Variants in DENND1A observed in about 807,000 individuals in gnomAD.
The protein encoded by DENND1A is DENN domain-containing protein 1A.
A neutral mutation model predicts 113.7 loss-of-function variants in DENND1A; 51 were observed. The observed-to-expected ratio is 0.45, with a 90% CI of 0.36 to 0.57. DENND1A has a LOEUF of 0.57. Among genes scored for constraint, DENND1A ranks in the 20% least tolerant of loss-of-function variants. The probability of loss-of-function intolerance (pLI) is 0.00; values close to 1 mark genes in which losing one functional copy is unlikely to be tolerated. For missense variants in DENND1A, 1,258 were observed against 1,395.9 expected (o/e 0.90, Z 1.57); for synonymous variants, 565 against 570.8 (o/e 0.99, Z 0.14).
chr9:123,553,966 C>A (rs1339848982), intron 13 of DENND1A, among the ~76,000 whole-genome samples: 3 of 152,210 alleles, frequency 2.0e-5, no homozygotes, highest in Non-Finnish European at 4.4e-5. Flanking sequence ...CCACGTTGGC[C>A]AGGATGGTCT....
At chr9:123,748,734 T>A (rs189085805) in intron 5 of DENND1A, among the ~76,000 whole-genome samples, 12 of 152,300 alleles carry the variant, frequency 7.9e-5, no homozygotes, top group Admixed American at 7.8e-4. Flanking sequence ...TTATTGCTGT[T>A]GAAGGAAAGT....
intron 1 of DENND1A, among the ~76,000 whole-genome samples, chr9:123,885,043 TCA>T (rs142957264): frequency 4.7e-5 from 7 of 148,402 alleles, no homozygotes; most frequent in Admixed American, 1.3e-4. Context: ...ACTCTCTCTC[TCA>T]CACACACACA....
At chr9:123,800,121 C>T (rs1046383897) in intron 2 of DENND1A, among the ~76,000 whole-genome samples, 5 of 152,192 alleles carry the variant, frequency 3.3e-5, no homozygotes, top group African/African-American at 1.2e-4. Context: ...GTTCCAAAAT[C>T]TTTAAGCTAC....
chr9:123,733,634 A>G (rs2068344585), intron 5 of DENND1A, among the ~76,000 whole-genome samples: 1 of 150,316 alleles, frequency 6.7e-6, no homozygotes, highest in South Asian at 2.1e-4. Flanking sequence ...TTTATTCCTG[A>G]ATGTTACTTT....
intron 4 of DENND1A, among the ~76,000 whole-genome samples, chr9:123,762,584 A>G (rs1030784397): frequency 6.6e-6 from 1 of 152,256 alleles, no homozygotes; most frequent in Non-Finnish European, 1.5e-5. Flanking sequence ...AAATTGAGCT[A>G]CAACTACACT....
At chr9:123,879,961 TTTTA>T (rs1588059384) in intron 1 of DENND1A, among the ~76,000 whole-genome samples, 2 of 152,326 alleles carry the variant, frequency 1.3e-5, no homozygotes, top group East Asian at 3.9e-4. Context: ...CTGTATGAAT[TTTTA>T]TTATTATACT....
chr9:123,513,548 G>A (rs1001093348), intron 13 of DENND1A, among the ~76,000 whole-genome samples: 3 of 152,192 alleles, frequency 2.0e-5, no homozygotes, highest in Non-Finnish European at 1.5e-5. Context: ...AGGGTCTGAG[G>A]ACGCCAGAGC....
intron 5 of DENND1A, among the ~76,000 whole-genome samples, chr9:123,738,025 G>A (rs2068700096): frequency 6.6e-6 from 1 of 152,142 alleles, no homozygotes; most frequent in South Asian, 2.1e-4. Context: ...TCCTAGAAGA[G>A]TAAGAAATTG....
intron 2 of DENND1A, among the ~76,000 whole-genome samples, chr9:123,834,490 A>G (rs1840755547): frequency 6.6e-6 from 1 of 152,228 alleles, no homozygotes; most frequent in Non-Finnish European, 1.5e-5. Context: ...TTGGTGTGAA[A>G]TACCTGATTT....
intron 12 of DENND1A, among the ~76,000 whole-genome samples, chr9:123,572,012 T>TGATTTACATACCTTAA (rs2058381287): frequency 1.3e-5 from 2 of 152,226 alleles, no homozygotes; most frequent in African/African-American, 4.8e-5. Context: ...TATTGAGGTA[T>TGATTTACATACCTTAA]GATTTACATA....
chr9:123,601,739 A>AT (rs1301009788), intron 11 of DENND1A, among the ~76,000 whole-genome samples: 12 of 152,246 alleles, frequency 7.9e-5, no homozygotes, highest in Non-Finnish European at 1.8e-4. Context: ...TGAATAAACT[A>AT]TATCAGTTAA....
At chr9:123,838,338 A>G (rs1183727645) in intron 2 of DENND1A, among the ~76,000 whole-genome samples, 1 of 152,202 alleles carries the variant, frequency 6.6e-6, no homozygotes, top group Non-Finnish European at 1.5e-5. Context: ...GTATATATGT[A>G]TATGTCTGTG....
At chr9:123,531,596 C>T (rs1003203823) in intron 13 of DENND1A, among the ~76,000 whole-genome samples, 11 of 147,386 alleles carry the variant, frequency 7.5e-5, no homozygotes, top group Middle Eastern at 3.4e-3. Flanking sequence ...CACACACACA[C>T]ACACACAGAA....
chr9:123,718,052 T>C lies in DENND1A; in HGVS notation c.302+39651A>G, dbSNP rs141617317. 3.6e-3 allele frequency among the ~76,000 whole-genome samples: 555 copies of C among 152,354 alleles called. 1 individual carries two copies. The Middle Eastern group carries it at 0.054, about 15-fold the overall frequency. On this transcript the variant is annotated intron_variant, in intron 5 of 23. Transcript: ENST00000394215. ...TTTTCATCTTGCTGGGTGTATGTTA[T>C]GTCTGTCTGTCAGCAAATTGGGAAA... is the stretch of plus-strand genomic sequence containing the variant.
chr9:123,399,088 G>A (rs1243751051), intron 21 of DENND1A, among the ~76,000 whole-genome samples: 3 of 152,128 alleles, frequency 2.0e-5, no homozygotes, highest in Admixed American at 2.0e-4. Context: ...GAGCCACCGC[G>A]CCCGGCCGTG....
intron 2 of DENND1A, among the ~76,000 whole-genome samples, chr9:123,799,550 A>G (rs1415264097): frequency 4.6e-5 from 7 of 152,188 alleles, no homozygotes; most frequent in Non-Finnish European, 1.5e-5. Flanking sequence ...AAAAGGTTCC[A>G]CGAAGAAGTA....
chr9:123,878,560 T>C (rs895373298), intron 2 of DENND1A, among the ~76,000 whole-genome samples: 1 of 152,230 alleles, frequency 6.6e-6, no homozygotes, highest in Non-Finnish European at 1.5e-5. Flanking sequence ...TGGCAGAGAA[T>C]TTCCTTTATA....
At chr9:123,905,993 T>C (rs1449490790) in intron 1 of DENND1A, among the ~76,000 whole-genome samples, 2 of 151,458 alleles carry the variant, frequency 1.3e-5, no homozygotes, top group African/African-American at 2.4e-5. Flanking sequence ...AGAACAGAGA[T>C]TATAACAAAC....
At chr9:123,474,225 C>CA (rs987616895) in intron 13 of DENND1A, among the ~76,000 whole-genome samples, 1 of 152,054 alleles carries the variant, frequency 6.6e-6, no homozygotes, top group Non-Finnish European at 1.5e-5. Context: ...GAATTCCTGA[C>CA]ATCAAGTGAT....
Sources: gnomAD v4.1 joint callset for allele counts (sites outside exome capture counted in the v4.1 genomes callset) on GRCh38, gnomAD v4.1.1 for gene constraint, MANE v1.5 for transcripts, NCBI Gene and HGNC (gene_info 2026-07-23, HGNC 2026-07-21) for gene names.